Variants in GLG1 observed in about 807,000 individuals in gnomAD.
GLG1 encodes the protein Golgi apparatus protein 1.
GLG1 carries 38 observed loss-of-function variants against 160.5 expected under a neutral mutation model. The ratio of observed to expected loss-of-function variants is 0.24; its 90% CI spans 0.18 to 0.31. The LOEUF (loss-of-function observed/expected upper bound fraction) is 0.31. Ranked by LOEUF, GLG1 falls within the 10% of genes least tolerant of loss-of-function variation. The pLI, the probability that GLG1 is intolerant of heterozygous loss-of-function variation, is 1.00. For synonymous variants in GLG1, 644 were observed against 543.4 expected (o/e 1.19, Z -2.57); for missense variants, 1,373 against 1,505.2 (o/e 0.91, Z 1.45).
chr16:74,506,280 T>G (rs1214819918), intron 3 of GLG1, among the ~76,000 whole-genome samples: 1 of 151,202 alleles, frequency 6.6e-6, no homozygotes, highest in African/African-American at 2.4e-5. Context: ...AACCAAAAGT[T>G]TTAAAACATC....
At chr16:74,598,530 AG>A (rs1958359212) in intron 1 of GLG1, among the ~76,000 whole-genome samples, 2 of 151,212 alleles carry the variant, frequency 1.3e-5, no homozygotes, top group Admixed American at 1.3e-4. Context: ...AAAAAAAAAA[AG>A]AAAAAAGAAA....
intron 14 of GLG1, among the ~76,000 whole-genome samples, chr16:74,471,691 AG>A (rs1303972666): frequency 2.6e-5 from 4 of 152,176 alleles, no homozygotes; most frequent in African/African-American, 9.7e-5. Flanking sequence ...AGTTGGAAGA[AG>A]GAGCCACTAT....
chr16:74,457,791 T>G, intron 24 of GLG1, 83 bp downstream of exon 24: 1 of 1,317,554 alleles, frequency 7.6e-7, no homozygotes, highest in South Asian at 1.3e-5. Context: ...CAGACCACAG[T>G]AGCTGCAACT....
intron 12 of GLG1, among the ~76,000 whole-genome samples, chr16:74,476,809 C>T (rs904172609): frequency 2.6e-5 from 4 of 152,164 alleles, no homozygotes; most frequent in African/African-American, 9.7e-5. Context: ...GGAATGTATA[C>T]ACTTAACTTC....
intron 2 of GLG1, among the ~76,000 whole-genome samples, chr16:74,513,768 C>A (rs2016887283): frequency 6.6e-6 from 1 of 152,082 alleles, no homozygotes; most frequent in African/African-American, 2.4e-5. Context: ...AGCAAGGGAA[C>A]AAAACTGGAA....
At chr16:74,556,848 T>C (rs2018368833) in intron 1 of GLG1, among the ~76,000 whole-genome samples, 1 of 151,298 alleles carries the variant, frequency 6.6e-6, no homozygotes, top group Non-Finnish European at 1.5e-5. Flanking sequence ...GCTGAAACTG[T>C]GTAACAGTCT....
At chr16:74,561,218 G>T (rs2018504453) in intron 1 of GLG1, among the ~76,000 whole-genome samples, 1 of 152,172 alleles carries the variant, frequency 6.6e-6, no homozygotes, top group Non-Finnish European at 1.5e-5. Flanking sequence ...GAAGGCTGAG[G>T]TCCCTGCCCC....
chr16:74,480,007 T>A (rs963316858), intron 11 of GLG1, among the ~76,000 whole-genome samples: 3 of 151,812 alleles, frequency 2.0e-5, no homozygotes, highest in African/African-American at 7.2e-5. Flanking sequence ...AAAAAAAATC[T>A]GGAAATCTTC....
At chr16:74,468,827 C>A in intron 17 of GLG1, 119 bp downstream of exon 17, 1 of 689,946 alleles carries the variant, frequency 1.4e-6, no homozygotes, top group South Asian at 1.7e-5. Flanking sequence ...TTGCACAGGA[C>A]TTCAAGTCTT....
intron 2 of GLG1, among the ~76,000 whole-genome samples, chr16:74,527,897 T>G (rs1378286041): frequency 6.7e-6 from 1 of 150,330 alleles, no homozygotes; most frequent in Non-Finnish European, 1.5e-5. Context: ...TTTTTTTTTT[T>G]TTTTTGAGAT....
intron 1 of GLG1, among the ~76,000 whole-genome samples, chr16:74,588,800 G>A (rs1239566327): frequency 6.6e-6 from 1 of 152,084 alleles, no homozygotes; most frequent in African/African-American, 2.4e-5. Flanking sequence ...TCTCATATCT[G>A]TCATATCTAC....
At chr16:74,491,269 T>G in intron 7 of GLG1, 54 bp from the exon 8 acceptor site, 2 of 1,212,526 alleles carry the variant, frequency 1.6e-6, no homozygotes, top group Non-Finnish European at 2.5e-6. Flanking sequence ...TGTATTAGCA[T>G]CAGAAATCAC....
chr16:74,520,888 T>C (rs2017142443), intron 2 of GLG1, among the ~76,000 whole-genome samples: 1 of 152,206 alleles, frequency 6.6e-6, no homozygotes, highest in Non-Finnish European at 1.5e-5. Context: ...TGTGAAATTT[T>C]ACCGACAGGC....
rs756088049 is a variant in GLG1, at chr16:74,606,969, G to T, written c.126C>A (p.Pro42=). 40 of 1,608,110 alleles carry T rather than the reference G, an allele frequency of 2.5e-5. No homozygotes were observed. In the Admixed American group the frequency reaches 2.5e-4, roughly 10 times the overall value. The change falls in exon 1 of 26, where the codon CCC becomes CCA. Residue 42 remains proline, a synonymous_variant. Transcript: ENST00000422840. ...GQGVHSQGQG[P]GANFVSFVGQ... is the part of the protein sequence containing the mutation. The stretch of plus-strand genomic sequence containing the variant: ...CTACGAAGGACACAAAGTTGGCCCC[G>T]GGACCCTGGCCCTGGCTGTGGACGC...
intron 8 of GLG1, 76 bp from the exon 9 acceptor site, chr16:74,485,993 A>G: frequency 8.8e-7 from 1 of 1,137,474 alleles, no homozygotes; most frequent in South Asian, 1.4e-5. Flanking sequence ...TCATACATTC[A>G]GTTGCTCAGT....
At chr16:74,533,825 C>T (rs2017612917) in intron 1 of GLG1, among the ~76,000 whole-genome samples, 1 of 152,090 alleles carries the variant, frequency 6.6e-6, no homozygotes, top group Admixed American at 6.5e-5. Context: ...GTATTCGAAT[C>T]TGTTTATATA....
At position 74,538,728 on chromosome 16, in the gene GLG1, A is replaced by ATT. The variant is rs58959074; in HGVS notation, c.439-6577_439-6576dup. On this transcript the variant is annotated intron_variant, in intron 1 of 25. Coordinates refer to ENST00000422840, the MANE Select transcript of GLG1 (RefSeq NM_001145667.2). ...TACAGGTCCAACGGGAGATTTTGAG[A>ATT]TTTTTTTTTTTTTTTTTTTCTTAAA... Among the ~76,000 whole-genome samples, 203 of 131,148 alleles carry ATT rather than the reference A, an allele frequency of 1.5e-3. 1 individual carries two copies. The highest frequency in any genetic ancestry group is 8.1e-3 in the Middle Eastern group (2 of 248). 86.0% of individuals were successfully genotyped at this position (131,148 alleles called of 152,430 possible). A position where few individuals can be genotyped will look rare whatever the true frequency, so the allele number is the denominator to read the frequency against.
intron 20 of GLG1, chr16:74,462,852 C>T: frequency 3.5e-6 from 2 of 565,756 alleles, no homozygotes; most frequent in East Asian, 6.1e-5. Flanking sequence ...TCTTTCTACT[C>T]TGCGGGGTTT....
chr16:74,546,837 CAAAA>C (rs71376218), intron 1 of GLG1, among the ~76,000 whole-genome samples: 14 of 59,704 alleles, frequency 2.3e-4, no homozygotes, highest in South Asian at 1.7e-3. Flanking sequence ...GACTCCATCT[CAAAA>C]AAAAAAAAAA....
Sources: gnomAD v4.1 joint callset for allele counts (sites outside exome capture counted in the v4.1 genomes callset) on GRCh38, gnomAD v4.1.1 for gene constraint, MANE v1.5 for transcripts, NCBI Gene and HGNC (gene_info 2026-07-23, HGNC 2026-07-21) for gene names.